CNTN4: variants seen among roughly 807,000 people sequenced by gnomAD.
CNTN4 encodes contactin-4.
A neutral mutation model predicts 122.5 loss-of-function variants in CNTN4; 77 were observed. That is an observed-to-expected ratio of 0.63 (90% CI 0.52 to 0.76). The LOEUF is 0.76. Ranked by LOEUF, CNTN4 falls within the 30% of genes least tolerant of loss-of-function variation. The pLI is 0.00. For missense variants in CNTN4, 1,256 were observed against 1,259.1 expected, an observed-to-expected ratio of 1.00 and a Z score of 0.04; for synonymous variants, 512 against 447.0, an observed-to-expected ratio of 1.15 and a Z score of -1.83.
At chr3:2,594,435 T>A (rs2080661241) in intron 4 of CNTN4, among the ~76,000 whole-genome samples, 1 of 131,486 alleles carries the variant, frequency 7.6e-6, no homozygotes, top group Non-Finnish European at 1.6e-5. Context: ...TTTTTTTTTT[T>A]TGAGACAGAG....
intron 2 of CNTN4, among the ~76,000 whole-genome samples, chr3:2,140,680 A>G (rs1467585992): frequency 6.6e-6 from 1 of 152,224 alleles, no homozygotes; most frequent in Non-Finnish European, 1.5e-5. Flanking sequence ...ATTTTGGGGG[A>G]ACATAAACAT....
At chr3:2,907,570 CA>C (rs34860687) in intron 12 of CNTN4, among the ~76,000 whole-genome samples, 3,893 of 133,658 alleles carry the variant, frequency 0.029, 168 homozygotes, top group African/African-American at 0.098. Context: ...GAGACTGTCT[CA>C]AAAAAAAAAA....
chr3:3,017,871 A>G (rs1324275198), intron 14 of CNTN4, among the ~76,000 whole-genome samples: 1 of 152,206 alleles, frequency 6.6e-6, no homozygotes, highest in East Asian at 1.9e-4. Flanking sequence ...CACCTTCAAA[A>G]GTAGCAATAA....
intron 3 of CNTN4, among the ~76,000 whole-genome samples, chr3:2,405,451 C>T (rs1332663305): frequency 2.6e-5 from 4 of 152,122 alleles, no homozygotes; most frequent in Admixed American, 2.6e-4. Context: ...AGTAAGAGTG[C>T]ATGTCAAAGG....
At chr3:2,450,405 A>G (rs1433787702) in intron 3 of CNTN4, among the ~76,000 whole-genome samples, 1 of 151,962 alleles carries the variant, frequency 6.6e-6, no homozygotes, top group Non-Finnish European at 1.5e-5. Context: ...TAAAATAAAA[A>G]AGATGCCAGT....
At chr3:2,851,579 C>T (rs1281453334) in intron 7 of CNTN4, among the ~76,000 whole-genome samples, 1 of 152,222 alleles carries the variant, frequency 6.6e-6, no homozygotes, top group Non-Finnish European at 1.5e-5. Context: ...GATTTCTCAC[C>T]TTCGCTTGGC....
At chr3:2,248,917 C>T (rs1208466570) in intron 2 of CNTN4, among the ~76,000 whole-genome samples, 1 of 151,906 alleles carries the variant, frequency 6.6e-6, no homozygotes, top group Non-Finnish European at 1.5e-5. Flanking sequence ...GAAAAGGCTA[C>T]AATGCAGATA....
intron 2 of CNTN4, among the ~76,000 whole-genome samples, chr3:2,235,138 A>G (rs76435024): frequency 1.3e-5 from 2 of 152,210 alleles, no homozygotes; most frequent in East Asian, 3.8e-4. Context: ...AGAGACAAAA[A>G]GGATTTATTT....
chr3:3,012,142 T>G (rs1195886865), intron 14 of CNTN4, among the ~76,000 whole-genome samples: 1 of 152,142 alleles, frequency 6.6e-6, no homozygotes. Context: ...AAGAGCAGCT[T>G]TCTGTCTAGA....
intron 6 of CNTN4, among the ~76,000 whole-genome samples, chr3:2,754,893 T>C (rs2090260932): frequency 6.6e-6 from 1 of 152,180 alleles, no homozygotes; most frequent in Admixed American, 6.5e-5. Context: ...AAACAGCAAC[T>C]GATTAGATAG....
At chr3:2,255,008 T>A (rs909349428) in intron 2 of CNTN4, among the ~76,000 whole-genome samples, 18 of 152,230 alleles carry the variant, frequency 1.2e-4, no homozygotes, top group African/African-American at 4.3e-4. Context: ...CTGTGGTTTT[T>A]ATAGTTTTAG....
chr3:2,781,890 A>ATTTTTT (rs373125249), intron 6 of CNTN4, among the ~76,000 whole-genome samples: 1 of 114,660 alleles, frequency 8.7e-6, no homozygotes, highest in Admixed American at 8.7e-5. Context: ...CGCCCGGCTA[A>ATTTTTT]TTTTTTGTAT....
At chr3:2,102,604 G>T (rs1288676770) in intron 2 of CNTN4, among the ~76,000 whole-genome samples, 2 of 152,168 alleles carry the variant, frequency 1.3e-5, no homozygotes, top group South Asian at 4.1e-4. Context: ...TCTGTTCTGT[G>T]CCCTTGCCGT....
intron 14 of CNTN4, among the ~76,000 whole-genome samples, chr3:2,990,433 C>T (rs1694952619): frequency 6.6e-6 from 1 of 151,960 alleles, no homozygotes; most frequent in Non-Finnish European, 1.5e-5. Flanking sequence ...GCATAGAAAC[C>T]ATATATATGG....
intron 3 of CNTN4, among the ~76,000 whole-genome samples, chr3:2,520,991 G>A (rs558874763): frequency 1.1e-4 from 16 of 152,046 alleles, no homozygotes; most frequent in Non-Finnish European, 2.1e-4. Context: ...ACGAAAGTAC[G>A]TGCATTCTAG....
At chr3:2,827,695 CA>C (rs2150344041) in intron 7 of CNTN4, among the ~76,000 whole-genome samples, 2 of 152,254 alleles carry the variant, frequency 1.3e-5, no homozygotes, top group South Asian at 2.1e-4. Flanking sequence ...TAAACTCTAC[CA>C]ATAGTCTTCT....
intron 2 of CNTN4, among the ~76,000 whole-genome samples, chr3:2,205,283 T>TG (rs1476720579): frequency 2.0e-5 from 3 of 149,972 alleles, no homozygotes; most frequent in Non-Finnish European, 4.4e-5. Flanking sequence ...TTTCCACCAG[T>TG]GAAAAAATAC....
At chr3:2,677,189 A>C (rs1201150458) in intron 4 of CNTN4, among the ~76,000 whole-genome samples, 2 of 149,678 alleles carry the variant, frequency 1.3e-5, no homozygotes, top group East Asian at 2.0e-4. Flanking sequence ...ATATATATAG[A>C]TATATCTCTC....
At position 2,773,663 on chromosome 3, in the gene CNTN4, A is replaced by G. The variant is rs140029595; in HGVS notation, c.358+27966A>G. ...ATTTCCTTGTCTATGGATGGCAACTATGTCACCTTTTCTAAACACCCTGTG... is the reference window on the plus strand; with the variant it reads ...ATTTCCTTGTCTATGGATGGCAACTGTGTCACCTTTTCTAAACACCCTGTG... On this transcript the variant is annotated intron_variant, in intron 6 of 24. Coordinates refer to ENST00000418658, the MANE Select transcript of CNTN4 (RefSeq NM_175607.3). Among the ~76,000 whole-genome samples the G allele has an allele frequency of 1.4e-3, 209 of 151,512 alleles. 1 individual carries two copies. Among genetic ancestry groups the G allele is most frequent in the African/African-American group, 4.6e-3 (190 of 41,320 alleles).
Sources: gnomAD v4.1 joint callset for allele counts (sites outside exome capture counted in the v4.1 genomes callset) on GRCh38, gnomAD v4.1.1 for gene constraint, MANE v1.5 for transcripts, NCBI Gene and HGNC (gene_info 2026-07-23, HGNC 2026-07-21) for gene names.